The following SYT1 variants were observed in gnomAD, a reference collection of about 807,000 sequenced individuals.
SYT1 encodes the protein synaptotagmin-1.
A neutral mutation model predicts 44.8 loss-of-function variants in SYT1; 8 were observed. The observed-to-expected ratio is 0.18, with a 90% CI of 0.10 to 0.32. SYT1 has a LOEUF of 0.32. Among genes scored for constraint, SYT1 ranks in the 10% least tolerant of loss-of-function variants. The pLI, the probability that SYT1 is intolerant of heterozygous loss-of-function variation, is 1.00. For synonymous variants in SYT1, 154 were observed against 188.8 expected (o/e 0.82, Z 1.51); for missense variants, 286 against 509.3 (o/e 0.56, Z 4.22).
intron 3 of SYT1, among the ~76,000 whole-genome samples, chr12:79,151,677 G>A (rs915156125): frequency 5.3e-5 from 8 of 152,124 alleles, no homozygotes; most frequent in Non-Finnish European, 1.2e-4. Context: ...ATAGAAAGGA[G>A]CTGATGGTTT....
chr12:79,445,098 G>C (rs1870631579), intron 10 of SYT1, among the ~76,000 whole-genome samples: 1 of 152,054 alleles, frequency 6.6e-6, no homozygotes, highest in South Asian at 2.1e-4. Flanking sequence ...GAAAAACAAA[G>C]AGCAGACATC....
intron 1 of SYT1, among the ~76,000 whole-genome samples, chr12:78,921,132 G>A (rs1283407008): frequency 3.3e-5 from 5 of 151,864 alleles, no homozygotes; most frequent in Non-Finnish European, 5.9e-5. Context: ...GTTGTATAGT[G>A]TGATTATAAG....
intron 9 of SYT1, among the ~76,000 whole-genome samples, chr12:79,355,569 C>T (rs1047709637): frequency 2.0e-5 from 3 of 152,158 alleles, no homozygotes; most frequent in African/African-American, 7.2e-5. Context: ...AAGCCATAAT[C>T]ACTCTAATCA....
chr12:79,342,836 C>T (rs907942019), intron 8 of SYT1, among the ~76,000 whole-genome samples: 3 of 152,074 alleles, frequency 2.0e-5, no homozygotes, highest in Non-Finnish European at 4.4e-5. Flanking sequence ...TTTTGGCATT[C>T]GAGTCTAAAA....
intron 3 of SYT1, among the ~76,000 whole-genome samples, chr12:79,213,151 ATAGAG>A (rs1179746265): frequency 6.6e-6 from 1 of 152,202 alleles, no homozygotes; most frequent in Non-Finnish European, 1.5e-5. Context: ...GTGATAAAGA[ATAGAG>A]TAGAATTGAA....
chr12:79,062,334 G>C (rs938069149), intron 3 of SYT1, among the ~76,000 whole-genome samples: 2 of 152,152 alleles, frequency 1.3e-5, no homozygotes, highest in African/African-American at 2.4e-5. Context: ...CTGCCTACCA[G>C]GTTTGCCTTC....
Position 78,934,620 on chromosome 12 carries a change from C to T in SYT1, c.-216-43179C>T, listed in dbSNP as rs570976988. 9.2e-5 allele frequency among the ~76,000 whole-genome samples: 14 copies of T among 152,052 alleles called. 1 individual carries two copies. The highest frequency in any genetic ancestry group is 1.9e-4 in the African/African-American group (8 of 41,456). ...TGTCCGGAATTGAAAACACCTGTCA[C>T]GCAGTCAAAAACTAGATTAATTTTC... On this transcript the variant is annotated intron_variant, in intron 1 of 10. Transcript: ENST00000261205.
intron 9 of SYT1, among the ~76,000 whole-genome samples, chr12:79,383,405 T>C (rs1156758512): frequency 6.6e-6 from 1 of 152,198 alleles, no homozygotes; most frequent in Non-Finnish European, 1.5e-5. Flanking sequence ...CAAAACATTC[T>C]TGTATTTCCA....
At chr12:79,134,746 A>C (rs909318382) in intron 3 of SYT1, among the ~76,000 whole-genome samples, 3 of 152,098 alleles carry the variant, frequency 2.0e-5, no homozygotes, top group African/African-American at 7.2e-5. Flanking sequence ...TATCAATTCC[A>C]TGCCTAACAC....
intron 9 of SYT1, among the ~76,000 whole-genome samples, chr12:79,424,504 G>C (rs756550856): frequency 1.3e-5 from 2 of 152,138 alleles, no homozygotes; most frequent in Non-Finnish European, 1.5e-5. Context: ...ATAGACATCT[G>C]TCCTCTTCCT....
chr12:79,287,662 G>C (rs972603403), intron 5 of SYT1, among the ~76,000 whole-genome samples: 2 of 152,104 alleles, frequency 1.3e-5, no homozygotes, highest in Non-Finnish European at 1.5e-5. Flanking sequence ...GATAACGATA[G>C]CATTTCTTCC....
chr12:78,934,653 A>G (rs1334530861), intron 1 of SYT1, among the ~76,000 whole-genome samples: 1 of 152,210 alleles, frequency 6.6e-6, no homozygotes, highest in African/African-American at 2.4e-5. Context: ...TTCTATGTGG[A>G]ATATAGAAAA....
chr12:79,254,089 A>G (rs1419465380), intron 4 of SYT1, among the ~76,000 whole-genome samples: 1 of 152,216 alleles, frequency 6.6e-6, no homozygotes, highest in Non-Finnish European at 1.5e-5. Flanking sequence ...TGGCCACACT[A>G]AACAACATGT....
intron 9 of SYT1, among the ~76,000 whole-genome samples, chr12:79,379,358 G>T (rs1412532120): frequency 6.6e-6 from 1 of 151,874 alleles, no homozygotes. Flanking sequence ...TTCAAGGAAT[G>T]AAGAAAATTG....
At chr12:78,981,129 T>G (rs1869226686) in intron 2 of SYT1, among the ~76,000 whole-genome samples, 1 of 148,468 alleles carries the variant, frequency 6.7e-6, no homozygotes, top group Non-Finnish European at 1.5e-5. Flanking sequence ...TTCTTTGTTT[T>G]TTTTTTTTTT....
At chr12:79,308,145 G>A (rs1385652931) in intron 8 of SYT1, among the ~76,000 whole-genome samples, 4 of 152,198 alleles carry the variant, frequency 2.6e-5, no homozygotes, top group Admixed American at 2.6e-4. Flanking sequence ...AAATCCTTTC[G>A]CTGTAAGTCA....
In SYT1 at chr12:79,286,115, T is replaced by C. The variant is rs939602599; in HGVS notation, c.351+144T>C. On this transcript the variant is annotated intron_variant, in intron 5 of 10. Transcript: ENST00000261205. ...GCTTTGCAAACCTTTCAGTCATTGT[T>C]CAAGATCCCAAAGCATAATGGAAGC... 5 of 921,572 alleles carry C rather than the reference T, an allele frequency of 5.4e-6. No homozygotes were observed. The Admixed American group carries it at 1.3e-4, about 24-fold the overall frequency. The allele number at this position is 921,572 out of a possible 1,614,324, so 57.1% of individuals were successfully genotyped here. A position where few individuals can be genotyped will look rare whatever the true frequency, so the allele number is the denominator to read the frequency against.
chr12:79,062,192 A>T (rs1034578066), intron 3 of SYT1, among the ~76,000 whole-genome samples: 14 of 152,102 alleles, frequency 9.2e-5, no homozygotes, highest in African/African-American at 3.4e-4. Context: ...CCCTAGGTCT[A>T]TGTAGCTTTA....
chr12:78,916,886 T>C (rs1427776968), intron 1 of SYT1, among the ~76,000 whole-genome samples: 1 of 152,018 alleles, frequency 6.6e-6, no homozygotes, highest in African/African-American at 2.4e-5. Flanking sequence ...TTTAAAAATA[T>C]AAACTTGAAA....
Sources: allele counts gnomAD v4.1 joint callset (sites outside exome capture counted in the v4.1 genomes callset), GRCh38; gene constraint gnomAD v4.1.1; transcripts MANE v1.5; gene names NCBI Gene and HGNC (gene_info 2026-07-23, HGNC 2026-07-21).